Variants in NFASC observed in about 807,000 individuals in gnomAD.
NFASC encodes the protein neurofascin, also known as neurofascin homolog.
NFASC carries 43 observed loss-of-function variants against 147.5 expected under a neutral mutation model. That is an observed-to-expected ratio of 0.29 (90% CI 0.23 to 0.38). The LOEUF (loss-of-function observed/expected upper bound fraction) is 0.38, where lower values mean the gene tolerates loss of function less well. Among genes scored for constraint, NFASC ranks in the 10% least tolerant of loss-of-function variants. The pLI, the probability that NFASC is intolerant of heterozygous loss-of-function variation, is 1.00. For missense variants in NFASC, 1,320 were observed against 1,689.0 expected (o/e 0.78, Z 3.83); for synonymous variants, 622 against 665.5 (o/e 0.93, Z 1.01).
chr1:204,982,047 A>T, intron 21 of NFASC, 27 bp downstream of exon 21: 2 of 1,454,554 alleles, frequency 1.4e-6, no homozygotes, highest in Non-Finnish European at 9.2e-7. Context: ...CCGTCCCCCC[A>T]TCAGGACCCT....
chr1:204,841,992 T>G (rs1296325197), intron 1 of NFASC, among the ~76,000 whole-genome samples: 1 of 152,212 alleles, frequency 6.6e-6, no homozygotes, highest in African/African-American at 2.4e-5. Context: ...GTCTGACCAG[T>G]TAGCGGGTGG....
At chr1:204,843,114 T>C (rs1675859301) in intron 1 of NFASC, among the ~76,000 whole-genome samples, 1 of 152,142 alleles carries the variant, frequency 6.6e-6, no homozygotes, top group African/African-American at 2.4e-5. Context: ...TATGGCACCA[T>C]AAAAAGTTGC....
chr1:204,862,496 T>C (rs2076761543), intron 1 of NFASC, among the ~76,000 whole-genome samples: 1 of 152,224 alleles, frequency 6.6e-6, no homozygotes, highest in Non-Finnish European at 1.5e-5. Flanking sequence ...AAAAAGTCGA[T>C]GTGAATGGTT....
intron 1 of NFASC, among the ~76,000 whole-genome samples, chr1:204,871,611 A>G (rs955422560): frequency 2.0e-5 from 3 of 152,096 alleles, no homozygotes; most frequent in Admixed American, 6.5e-5. Flanking sequence ...GAGTCTTGGC[A>G]TTTCTGGATC....
intron 8 of NFASC, among the ~76,000 whole-genome samples, chr1:204,965,491 A>C (rs2094899030): frequency 6.6e-6 from 1 of 152,178 alleles, no homozygotes; most frequent in Non-Finnish European, 1.5e-5. Flanking sequence ...TATGTCCCCC[A>C]AATCTTCTTC....
chr1:204,917,748 A>T (rs895213062), intron 1 of NFASC, among the ~76,000 whole-genome samples: 2 of 151,202 alleles, frequency 1.3e-5, no homozygotes, highest in Admixed American at 6.6e-5. Flanking sequence ...GGTCTTTGAC[A>T]CTCTGTTTGC....
chr1:204,870,293 A>G (rs938486388), intron 1 of NFASC, among the ~76,000 whole-genome samples: 2 of 152,218 alleles, frequency 1.3e-5, no homozygotes, highest in African/African-American at 4.8e-5. Context: ...CTCGAGCAGA[A>G]GTGGACCAGG....
At chr1:205,011,523 G>A (rs929207211) in intron 28 of NFASC, among the ~76,000 whole-genome samples, 1 of 152,238 alleles carries the variant, frequency 6.6e-6, no homozygotes, top group African/African-American at 2.4e-5. Flanking sequence ...GAACCCAGCA[G>A]ATCAACTCTG....
At chr1:205,011,004 T>C (rs1255259533) in intron 28 of NFASC, 5 of 152,168 alleles carry the variant, frequency 3.3e-5, no homozygotes, top group African/African-American at 1.2e-4. Context: ...TGACTGTTTT[T>C]TACACAGGAG....
chr1:204,971,762 C>T (rs2095264569), intron 11 of NFASC, among the ~76,000 whole-genome samples: 1 of 152,172 alleles, frequency 6.6e-6, no homozygotes, highest in African/African-American at 2.4e-5. Flanking sequence ...CCAGCTAGTA[C>T]TGAACCTAGT....
chr1:204,948,503 C>A, intron 3 of NFASC: 1 of 469,428 alleles, frequency 2.1e-6, no homozygotes, highest in Non-Finnish European at 4.2e-6. Flanking sequence ...ACTCACCCTT[C>A]TCCAGAATGT....
In NFASC at chr1:204,969,514, C is replaced by A. The variant is rs4951148; in HGVS notation, c.1003+532C>A. Among the ~76,000 whole-genome samples the A allele has an allele frequency of 5.7e-4, 87 of 152,312 alleles. No homozygotes were observed. The East Asian group carries it at 0.015, about 26-fold the overall frequency. On this transcript the variant is annotated intron_variant, in intron 10 of 29. Transcript: ENST00000339876. Reference sequence around the variant, plus strand: ...GGTCCCCACCGTGTGTGGCAGGCTGCACTGGTCACTGTTTGGCCTGGGGCT... The same window carrying A: ...GGTCCCCACCGTGTGTGGCAGGCTGAACTGGTCACTGTTTGGCCTGGGGCT...
At chr1:204,878,895 G>A (rs1216154813) in intron 1 of NFASC, among the ~76,000 whole-genome samples, 1 of 152,234 alleles carries the variant, frequency 6.6e-6, no homozygotes, top group African/African-American at 2.4e-5. Context: ...GAGGCAGGGG[G>A]ACAGATCTTT....
At chr1:204,919,445 T>C (rs1435294012) in intron 1 of NFASC, among the ~76,000 whole-genome samples, 2 of 152,244 alleles carry the variant, frequency 1.3e-5, no homozygotes, top group Non-Finnish European at 2.9e-5. Flanking sequence ...TGGTAGCATA[T>C]TAAACATTAT....
At chr1:204,977,035 G>A in intron 16 of NFASC, 1 of 1,287,262 alleles carries the variant, frequency 7.8e-7, no homozygotes, top group African/African-American at 1.5e-5. Context: ...CAACTGAAAG[G>A]GGCCTGAGTG....
intron 2 of NFASC, among the ~76,000 whole-genome samples, chr1:204,939,038 A>ATGTATGTGTGTGTGTGTGTGTG (rs772779672): frequency 8.1e-6 from 1 of 123,670 alleles, no homozygotes; most frequent in Non-Finnish European, 1.7e-5. Context: ...GTATGGATGG[A>ATGTATGTGTGTGTGTGTGTGTG]TGTGTGTGTG....
At chr1:204,983,328 G>T (rs1423185656) in intron 21 of NFASC, among the ~76,000 whole-genome samples, 2 of 152,174 alleles carry the variant, frequency 1.3e-5, no homozygotes, top group African/African-American at 4.8e-5. Context: ...CAACCTGTGG[G>T]TAATGTTTCC....
intron 24 of NFASC, among the ~76,000 whole-genome samples, chr1:204,993,055 A>T (rs577885397): frequency 6.6e-6 from 1 of 152,314 alleles, no homozygotes; most frequent in Admixed American, 6.5e-5. Context: ...TTAAATGCGT[A>T]AGAACCTTCT....
rs1256306145 is a variant in NFASC, at chr1:204,954,730, C to G, written c.413-99C>G. On this transcript the variant is annotated intron_variant, in intron 6 of 29. Transcript: ENST00000339876. The surrounding 1 kb of genome is among the most constrained non-coding windows in gnomAD (Gnocchi z 5.7). ...TTGCTCCCTCCTTCTCCAGGTGCCC[C>G]TTCTGTTTCTCCTCCTTGCATGCCT... The G allele has an allele frequency of 1.4e-6, 2 of 1,411,564 alleles. No individual in the cohort carries two copies. The highest frequency in any genetic ancestry group is 2.0e-6 in the Non-Finnish European group (2 of 1,017,690). The allele number at this position is 1,411,564 out of a possible 1,614,324, so 87.4% of individuals were successfully genotyped here.
Sources: gnomAD v4.1 joint callset for allele counts (sites outside exome capture counted in the v4.1 genomes callset) on GRCh38, gnomAD v4.1.1 for gene constraint, Gnocchi (gnomAD v3.1) non-coding constraint, MANE v1.5 for transcripts, NCBI Gene and HGNC (gene_info 2026-07-23, HGNC 2026-07-21) for gene names.